COP1: variants seen among roughly 807,000 people sequenced by gnomAD.
The protein encoded by COP1 is E3 ubiquitin-protein ligase COP1.
COP1 carries 24 observed loss-of-function variants against 101.3 expected under a neutral mutation model. The ratio of observed to expected loss-of-function variants is 0.24; its 90% CI spans 0.17 to 0.33. The LOEUF is 0.33. Ranked by LOEUF, COP1 falls within the 10% of genes least tolerant of loss-of-function variation. The pLI is 1.00. For missense variants in COP1, 663 were observed against 906.2 expected, an observed-to-expected ratio of 0.73 and a Z score of 3.45; for synonymous variants, 347 against 341.9, an observed-to-expected ratio of 1.01 and a Z score of -0.17.
At chr1:175,989,624 T>A in intron 15 of COP1, 145 bp from the exon 16 acceptor site, 1 of 564,152 alleles carries the variant, frequency 1.8e-6, no homozygotes. Flanking sequence ...AAAGGAATCC[T>A]TTTCAAATAT....
chr1:175,945,269 T>A, intron 19 of COP1, 99 bp from the exon 20 acceptor site: 1 of 842,394 alleles, frequency 1.2e-6, no homozygotes, highest in Non-Finnish European at 1.8e-6. Context: ...AAAGCAAATT[T>A]AAAAAACGTT....
At chr1:176,115,164 C>T (rs975466410) in intron 9 of COP1, among the ~76,000 whole-genome samples, 24 of 152,096 alleles carry the variant, frequency 1.6e-4, no homozygotes, top group African/African-American at 4.8e-4. Context: ...AGTTAAAAAA[C>T]GTGGCCGGGA....
chr1:176,189,574 C>A (rs149253792), intron 1 of COP1, among the ~76,000 whole-genome samples: 1 of 151,748 alleles, frequency 6.6e-6, no homozygotes, highest in South Asian at 2.1e-4. Context: ...CAGACCTGTA[C>A]TACAAGATAT....
rs900497227 is a variant in COP1, at chr1:176,207,008, C to A, written c.-30G>T. ...ACTCCCTCCCCTCCAGCCGGGCGCT[C>A]GGAGGAGAGGGACCGCGACCTCGAC... is the stretch of plus-strand genomic sequence containing the variant. On this transcript the variant is annotated 5_prime_UTR_variant, in exon 1 of 20. Transcript: ENST00000367669. The A allele has an allele frequency of 3.7e-6, 5 of 1,366,926 alleles. No individual in the cohort carries two copies. Among genetic ancestry groups the A allele is most frequent in the South Asian group, 3.3e-5 (2 of 61,452 alleles). The allele number at this position is 1,366,926 out of a possible 1,614,324, so 84.7% of individuals were successfully genotyped here. A position where few individuals can be genotyped will look rare whatever the true frequency, so the allele number is the denominator to read the frequency against.
intron 2 of COP1, among the ~76,000 whole-genome samples, chr1:176,178,252 G>A (rs539218419): frequency 6.6e-6 from 1 of 151,378 alleles, no homozygotes; most frequent in African/African-American, 2.4e-5. Flanking sequence ...AAGGAAATGA[G>A]TTAACATTAC....
chr1:176,107,246 C>T (rs1196928052), intron 9 of COP1, among the ~76,000 whole-genome samples: 1 of 151,898 alleles, frequency 6.6e-6, no homozygotes, highest in Non-Finnish European at 1.5e-5. Context: ...CTAGCTCTGT[C>T]CACTGAGAAA....
chr1:176,149,109 A>C (rs780159927), intron 5 of COP1, 35 bp from the exon 6 acceptor site: 41 of 1,389,168 alleles, frequency 3.0e-5, no homozygotes, highest in Non-Finnish European at 3.2e-5. Flanking sequence ...CTTTTAAAAA[A>C]TATAACTGAG....
chr1:176,007,412 G>C (rs923970619), intron 15 of COP1, among the ~76,000 whole-genome samples: 3 of 152,238 alleles, frequency 2.0e-5, no homozygotes, highest in Non-Finnish European at 2.9e-5. Flanking sequence ...TGGAGGAAGA[G>C]AGGCACTCTG....
chr1:176,148,171 G>A (rs1231644472), intron 6 of COP1, among the ~76,000 whole-genome samples: 1 of 151,896 alleles, frequency 6.6e-6, no homozygotes, highest in Non-Finnish European at 1.5e-5. Context: ...AGCAACAGTT[G>A]AGAATAAGAA....
intron 5 of COP1, among the ~76,000 whole-genome samples, chr1:176,149,905 G>A (rs1692150971): frequency 6.6e-6 from 1 of 151,850 alleles, no homozygotes; most frequent in Non-Finnish European, 1.5e-5. Context: ...TACTTGAAAG[G>A]GAGAATAAAA....
intron 14 of COP1, among the ~76,000 whole-genome samples, chr1:176,033,238 C>T (rs968309296): frequency 1.3e-5 from 2 of 151,968 alleles, no homozygotes; most frequent in Non-Finnish European, 2.9e-5. Flanking sequence ...ATGGTGAAAT[C>T]CCATCTCTAT....
intron 11 of COP1, among the ~76,000 whole-genome samples, chr1:176,052,586 G>A (rs1411053331): frequency 1.3e-5 from 2 of 151,984 alleles, no homozygotes; most frequent in Non-Finnish European, 2.9e-5. Context: ...TTCAAAATGT[G>A]GCTTGAGTGT....
intron 1 of COP1, among the ~76,000 whole-genome samples, chr1:176,192,823 C>T (rs1292450915): frequency 2.0e-5 from 3 of 152,130 alleles, no homozygotes; most frequent in African/African-American, 7.2e-5. Flanking sequence ...AAAGAAATCT[C>T]CAAAATGCAT....
intron 6 of COP1, among the ~76,000 whole-genome samples, chr1:176,145,878 T>C (rs1184908154): frequency 6.6e-6 from 1 of 152,214 alleles, no homozygotes; most frequent in Non-Finnish European, 1.5e-5. Flanking sequence ...GCAAGGAAGA[T>C]GACTGCAATC....
chr1:176,182,602 C>T (rs1697940549), intron 2 of COP1, among the ~76,000 whole-genome samples: 1 of 152,224 alleles, frequency 6.6e-6, no homozygotes, highest in Non-Finnish European at 1.5e-5. Flanking sequence ...AGAAAGCCTA[C>T]TCTAGATCAC....
At chr1:176,069,729 C>CAAGAA (rs1010938139) in intron 11 of COP1, among the ~76,000 whole-genome samples, 2 of 152,214 alleles carry the variant, frequency 1.3e-5, no homozygotes, top group African/African-American at 2.4e-5. Flanking sequence ...CATCCACTCT[C>CAAGAA]TTCTTGTTTC....
intron 6 of COP1, among the ~76,000 whole-genome samples, chr1:176,145,938 G>A (rs1184754804): frequency 6.6e-6 from 1 of 152,106 alleles, no homozygotes; most frequent in African/African-American, 2.4e-5. Context: ...ATTGCATTGT[G>A]CTTACAATGG....
At chr1:175,979,783 T>A (rs1010100553) in intron 18 of COP1, among the ~76,000 whole-genome samples, 26 of 152,090 alleles carry the variant, frequency 1.7e-4, no homozygotes, top group African/African-American at 6.3e-4. Context: ...ACCATTTAGT[T>A]TCAAGTGAGC....
chr1:176,090,938 T>G (rs2039233), intron 9 of COP1, among the ~76,000 whole-genome samples: 3,390 of 152,272 alleles, frequency 0.022, 45 homozygotes, highest in Non-Finnish European at 0.034. Context: ...AACCCACAGT[T>G]AGACACACTA....
Sources: gnomAD v4.1 joint callset for allele counts (sites outside exome capture counted in the v4.1 genomes callset) on GRCh38, gnomAD v4.1.1 for gene constraint, MANE v1.5 for transcripts, NCBI Gene and HGNC (gene_info 2026-07-23, HGNC 2026-07-21) for gene names.